The following NHS variants were observed in gnomAD, a reference collection of about 807,000 sequenced individuals.
NHS encodes NHS actin remodeling regulator.
Under a neutral mutation model 72.5 loss-of-function variants are expected in NHS, and 5 were observed. The ratio of observed to expected loss-of-function variants is 0.07; its 90% CI spans 0.04 to 0.14. NHS has a LOEUF of 0.14. Among genes scored for constraint, NHS ranks in the 10% least tolerant of loss-of-function variants. The pLI is 1.00. For synonymous variants in NHS, 464 were observed against 547.7 expected (o/e 0.85, Z 2.13); for missense variants, 1,072 against 1,355.7 (o/e 0.79, Z 3.29).
At chrX:17,720,318 C>T (rs1281265739) in intron 4 of NHS, among the ~76,000 whole-genome samples, 1 of 111,599 alleles carries the variant, frequency 9.0e-6, no homozygotes, top group African/African-American at 3.3e-5. Context: ...AGGTGAAATC[C>T]TCTGAGTCAA....
intron 1 of NHS, among the ~76,000 whole-genome samples, chrX:17,419,239 C>T (rs2064611451): frequency 8.9e-6 from 1 of 112,432 alleles, no homozygotes; most frequent in African/African-American, 3.2e-5. Context: ...CAACGGCCTG[C>T]CGTCAGCACC....
At chrX:17,483,758 C>T (rs1415032989) in intron 1 of NHS, among the ~76,000 whole-genome samples, 1 of 110,655 alleles carries the variant, frequency 9.0e-6, no homozygotes, top group Non-Finnish European at 1.9e-5. Context: ...TTCCCTCCCA[C>T]ACCTTGCATG....
At chrX:17,395,301 C>A (rs2064468240) in intron 1 of NHS, among the ~76,000 whole-genome samples, 1 of 112,295 alleles carries the variant, frequency 8.9e-6, no homozygotes, top group Admixed American at 9.5e-5. Flanking sequence ...GCAGCCAGAG[C>A]AGGCATACAA....
At chrX:17,590,649 T>A (rs1369398114) in intron 1 of NHS, among the ~76,000 whole-genome samples, 1 of 112,103 alleles carries the variant, frequency 8.9e-6, no homozygotes, top group Admixed American at 9.5e-5. Flanking sequence ...AAGGGTTTTT[T>A]ATTTTCTTCT....
chrX:17,669,824 G>A (rs1434994134), intron 1 of NHS, among the ~76,000 whole-genome samples: 1 of 112,030 alleles, frequency 8.9e-6, no homozygotes, highest in East Asian at 2.8e-4. Context: ...ACCTATTCAA[G>A]TAAACACAAC....
intron 1 of NHS, among the ~76,000 whole-genome samples, chrX:17,671,322 C>T (rs1377006912): frequency 8.9e-6 from 1 of 112,130 alleles, no homozygotes; most frequent in African/African-American, 3.2e-5. Context: ...AAAGCAGAGC[C>T]CCATTTAGTG....
intron 1 of NHS, among the ~76,000 whole-genome samples, chrX:17,388,887 A>C (rs962599194): frequency 9.1e-6 from 1 of 110,214 alleles, no homozygotes; most frequent in African/African-American, 3.3e-5. Flanking sequence ...GTCTGGTAAA[A>C]GTATTGAGAA....
chrX:17,580,210 C>T (rs916416011), intron 1 of NHS, among the ~76,000 whole-genome samples: 1 of 111,082 alleles, frequency 9.0e-6, no homozygotes, highest in African/African-American at 3.3e-5. Flanking sequence ...AAAAGATGGA[C>T]TGTAGAGCTA....
intron 1 of NHS, among the ~76,000 whole-genome samples, chrX:17,377,245 G>A (rs1235033144): frequency 8.9e-6 from 1 of 112,635 alleles, no homozygotes; most frequent in Non-Finnish European, 1.9e-5. Context: ...GGGCGTCTTT[G>A]CTGTCCGTTG....
At chrX:17,612,551 T>C (rs1392860200) in intron 1 of NHS, among the ~76,000 whole-genome samples, 1 of 111,575 alleles carries the variant, frequency 9.0e-6, no homozygotes, top group African/African-American at 3.3e-5. Flanking sequence ...CCACATCCCA[T>C]GCAAAGCACT....
At chrX:17,700,260 T>C (rs1442387120) in intron 3 of NHS, among the ~76,000 whole-genome samples, 1 of 108,526 alleles carries the variant, frequency 9.2e-6, no homozygotes, top group East Asian at 2.9e-4. Context: ...CTGGGTAACA[T>C]GGTGAAACCC....
chrX:17,468,802 G>A (rs865928741), intron 1 of NHS, among the ~76,000 whole-genome samples: 9 of 111,545 alleles, frequency 8.1e-5, no homozygotes, highest in Non-Finnish European at 5.6e-5. Flanking sequence ...CAATCCTCTT[G>A]CTTTGGCCTC....
chrX:17,438,453 C>A (rs1469858459), intron 1 of NHS, among the ~76,000 whole-genome samples: 1 of 111,875 alleles, frequency 8.9e-6, no homozygotes, highest in East Asian at 2.8e-4. Context: ...GCCTCGGCAG[C>A]TTTCTCATCT....
intron 1 of NHS, among the ~76,000 whole-genome samples, chrX:17,412,816 A>AT (rs2064567761): frequency 8.9e-6 from 1 of 111,916 alleles, no homozygotes; most frequent in African/African-American, 3.2e-5. Flanking sequence ...AAGATTCACA[A>AT]TTTTTTTTCT....
In NHS at chrX:17,436,075, A is replaced by T. The variant is rs1489637083; in HGVS notation, c.565+59753A>T. On this transcript the variant is annotated intron_variant, in intron 1 of 8. Transcript: ENST00000676302. ...GCTCTTATTTAGAAAGCATGAAACC[A>T]GTGCCTTAACCTTATGGTTTTATCA... 8.9e-5 allele frequency among the ~76,000 whole-genome samples: 10 copies of T among 112,493 alleles called. 1 individual carries two copies. Among genetic ancestry groups the T allele is most frequent in the African/African-American group, 3.2e-4 (10 of 30,940 alleles).
At chrX:17,569,980 C>T (rs1489843338) in intron 1 of NHS, among the ~76,000 whole-genome samples, 1 of 111,434 alleles carries the variant, frequency 9.0e-6, no homozygotes, top group Non-Finnish European at 1.9e-5. Flanking sequence ...GATGGTGGTA[C>T]ATGTATGGTG....
intron 1 of NHS, among the ~76,000 whole-genome samples, chrX:17,672,688 C>T (rs746385733): frequency 8.9e-6 from 1 of 112,484 alleles, no homozygotes; most frequent in Admixed American, 9.3e-5. Context: ...CTCAATGCCG[C>T]ACCTCCCACT....
intron 1 of NHS, among the ~76,000 whole-genome samples, chrX:17,468,918 T>C (rs986430086): frequency 9.0e-6 from 1 of 111,421 alleles, no homozygotes; most frequent in African/African-American, 3.3e-5. Context: ...ATTAACAGTA[T>C]AGCTTGGTGA....
chrX:17,723,076 T>G (rs1482841608), intron 5 of NHS, among the ~76,000 whole-genome samples: 3 of 112,177 alleles, frequency 2.7e-5, no homozygotes, highest in Admixed American at 1.9e-4. Context: ...ATGAAGGATT[T>G]TAATTTTGGG....
Sources: gnomAD v4.1 joint callset for allele counts (sites outside exome capture counted in the v4.1 genomes callset) on GRCh38, gnomAD v4.1.1 for gene constraint, MANE v1.5 for transcripts, NCBI Gene and HGNC (gene_info 2026-07-23, HGNC 2026-07-21) for gene names.